The following OPCML variants were observed in gnomAD, a reference collection of about 807,000 sequenced individuals.
OPCML encodes opioid-binding protein/cell adhesion molecule.
Under a neutral mutation model 37.8 loss-of-function variants are expected in OPCML, and 13 were observed. The observed-to-expected ratio is 0.34, with a 90% CI of 0.22 to 0.55. The LOEUF (loss-of-function observed/expected upper bound fraction) is 0.55. Ranked by LOEUF, OPCML falls within the 20% of genes least tolerant of loss-of-function variation. The probability of loss-of-function intolerance (pLI) is 0.91; values close to 1 mark genes in which losing one functional copy is unlikely to be tolerated. For synonymous variants in OPCML, 176 were observed against 168.8 expected, an observed-to-expected ratio of 1.04 and a Z score of -0.33; for missense variants, 341 against 435.6, an observed-to-expected ratio of 0.78 and a Z score of 1.93.
intron 1 of OPCML, among the ~76,000 whole-genome samples, chr11:133,470,471 G>A (rs1408773056): frequency 6.6e-6 from 1 of 152,216 alleles, no homozygotes; most frequent in Non-Finnish European, 1.5e-5. Context: ...TGTGACAGAT[G>A]CAACTCACAC....
intron 2 of OPCML, among the ~76,000 whole-genome samples, chr11:132,904,226 C>A (rs749089862): frequency 5.3e-5 from 8 of 152,172 alleles, no homozygotes; most frequent in Non-Finnish European, 1.0e-4. Context: ...ACCTATTTGG[C>A]CATTAATACA....
chr11:132,667,798 A>AAACT, intron 2 of OPCML, among the ~76,000 whole-genome samples: 1 of 152,372 alleles, frequency 6.6e-6, no homozygotes, highest in Middle Eastern at 3.4e-3. Context: ...AATGACATCA[A>AAACT]AACTACTAGG....
At chr11:132,583,367 T>C (rs1057192940) in intron 3 of OPCML, among the ~76,000 whole-genome samples, 4 of 152,168 alleles carry the variant, frequency 2.6e-5, no homozygotes, top group Non-Finnish European at 4.4e-5. Context: ...GGTGTGATCA[T>C]GGCTTATTGT....
At chr11:133,350,784 A>G (rs775023634) in intron 1 of OPCML, among the ~76,000 whole-genome samples, 7 of 152,216 alleles carry the variant, frequency 4.6e-5, no homozygotes, top group Non-Finnish European at 8.8e-5. Flanking sequence ...TGTACTAGGC[A>G]TACACACTTG....
chr11:133,305,277 C>T (rs1225176011), intron 1 of OPCML, among the ~76,000 whole-genome samples: 1 of 152,064 alleles, frequency 6.6e-6, no homozygotes, highest in African/African-American at 2.4e-5. Context: ...TCATGGGCTT[C>T]CCCCCTGTAC....
At chr11:132,831,157 C>T (rs113040864) in intron 2 of OPCML, among the ~76,000 whole-genome samples, 1 of 151,868 alleles carries the variant, frequency 6.6e-6, no homozygotes, top group Non-Finnish European at 1.5e-5. Flanking sequence ...CAAATCACAG[C>T]AATTACACTT....
intron 1 of OPCML, chr11:133,300,316 C>T (rs1942746398): frequency 6.6e-6 from 1 of 152,164 alleles, no homozygotes; most frequent in South Asian, 2.1e-4. Context: ...CATGCTTCTC[C>T]CCTGCTGCTC....
At chr11:132,974,535 C>T (rs1030688064) in intron 1 of OPCML, among the ~76,000 whole-genome samples, 11 of 152,158 alleles carry the variant, frequency 7.2e-5, no homozygotes, top group South Asian at 2.1e-4. Flanking sequence ...AAAATAGGAA[C>T]GCTTTTACAC....
At chr11:133,509,927 C>T (rs775980598) in intron 1 of OPCML, among the ~76,000 whole-genome samples, 1 of 152,184 alleles carries the variant, frequency 6.6e-6, no homozygotes, top group South Asian at 2.1e-4. Flanking sequence ...CTACCTCATG[C>T]CCACATCCAC....
In OPCML at chr11:132,727,862, G is replaced by A. The variant is rs77097483; in HGVS notation, c.147-70543C>T. Among the ~76,000 whole-genome samples the A allele has an allele frequency of 5.8e-3, 890 of 152,338 alleles. 5 individuals carry two copies. Among genetic ancestry groups the A allele is most frequent in the Admixed American group, 9.3e-3 (143 of 15,306 alleles). Reference sequence around the variant, plus strand: ...CTAGGTGTAATATGACAGCTCAGCAGTGGCAAGGCCGAGTGCAGGCCAAGA... The same window carrying A: ...CTAGGTGTAATATGACAGCTCAGCAATGGCAAGGCCGAGTGCAGGCCAAGA... On this transcript the variant is annotated intron_variant, in intron 2 of 7. Coordinates refer to ENST00000524381, the MANE Select transcript of OPCML (RefSeq NM_001012393.5).
intron 3 of OPCML, among the ~76,000 whole-genome samples, chr11:132,643,359 G>A (rs1940967380): frequency 6.6e-6 from 1 of 152,262 alleles, no homozygotes; most frequent in Admixed American, 6.5e-5. Flanking sequence ...ACCCTCCCTG[G>A]GGAGTGTGCC....
intron 3 of OPCML, among the ~76,000 whole-genome samples, chr11:132,539,602 T>C (rs2096350606): frequency 6.6e-6 from 1 of 151,878 alleles, no homozygotes; most frequent in Non-Finnish European, 1.5e-5. Context: ...TGGTGATAGA[T>C]GATGATGGTG....
At chr11:132,976,538 C>T (rs1271564678) in intron 1 of OPCML, among the ~76,000 whole-genome samples, 1 of 152,156 alleles carries the variant, frequency 6.6e-6, no homozygotes, top group Non-Finnish European at 1.5e-5. Context: ...GCAACCAGTT[C>T]CAAGCTCCCA....
chr11:132,600,839 C>CTTTTTTTTTTTTTTTTTTTTTTTT (rs145586468), intron 3 of OPCML, among the ~76,000 whole-genome samples: 1 of 94,534 alleles, frequency 1.1e-5, no homozygotes. Context: ...AAATAGTTAA[C>CTTTTTTTTTTTTTTTTTTTTTTTT]TTTTTTTTTT....
intron 2 of OPCML, among the ~76,000 whole-genome samples, chr11:132,838,223 A>G (rs1265120882): frequency 2.0e-5 from 3 of 152,220 alleles, no homozygotes. Flanking sequence ...TTTGGGGCCT[A>G]GGTAATATGG....
chr11:133,133,986 G>A (rs554875776), intron 1 of OPCML, among the ~76,000 whole-genome samples: 1 of 152,010 alleles, frequency 6.6e-6, no homozygotes, highest in African/African-American at 2.4e-5. Flanking sequence ...TAATGAATAC[G>A]CATACACAGA....
At chr11:133,402,977 T>G (rs1400704918) in intron 1 of OPCML, among the ~76,000 whole-genome samples, 1 of 152,226 alleles carries the variant, frequency 6.6e-6, no homozygotes, top group Non-Finnish European at 1.5e-5. Flanking sequence ...GGATTCCTAC[T>G]GGAAGTCTTC....
At chr11:133,080,214 C>G (rs774856885) in intron 1 of OPCML, among the ~76,000 whole-genome samples, 44 of 152,142 alleles carry the variant, frequency 2.9e-4, no homozygotes, top group Non-Finnish European at 1.8e-4. Context: ...ACCTGCGGGA[C>G]TGTAGGATGG....
In OPCML at chr11:133,082,410, CTCCTCCCTA is replaced by C. The variant is rs1342787149; in HGVS notation, c.62-139409_62-139401del. On this transcript the variant is annotated intron_variant, in intron 1 of 7. Coordinates refer to ENST00000524381, the MANE Select transcript of OPCML (RefSeq NM_001012393.5). ...TCTTCCCCTCCCCCGCACCCCTCCT[CTCCTCCCTA>C]TCCTCCCCCCTCCCCATCCTTTCTC... Among the ~76,000 whole-genome samples the C allele has an allele frequency of 2.3e-5, 3 of 129,264 alleles. No individual in the cohort carries two copies. In the East Asian group the frequency reaches 7.9e-4, roughly 34 times the overall value. The allele number at this position is 129,264 out of a possible 152,430, so 84.8% of individuals were successfully genotyped here. A position where few individuals can be genotyped will look rare whatever the true frequency, so the allele number is the denominator to read the frequency against.
Sources: gnomAD v4.1 joint callset for allele counts (sites outside exome capture counted in the v4.1 genomes callset) on GRCh38, gnomAD v4.1.1 for gene constraint, MANE v1.5 for transcripts, NCBI Gene and HGNC (gene_info 2026-07-23, HGNC 2026-07-21) for gene names.